CHST11: variants seen among roughly 807,000 people sequenced by gnomAD.
CHST11 encodes C4S-1.
In CHST11, 9 loss-of-function variants were observed where a neutral mutation model predicts 30.4. The ratio of observed to expected loss-of-function variants is 0.30; its 90% CI spans 0.18 to 0.52. The LOEUF is 0.52. Among genes scored for constraint, CHST11 ranks in the 20% least tolerant of loss-of-function variants. CHST11 has a pLI of 0.97. For missense variants in CHST11, 348 were observed against 460.6 expected (o/e 0.76, Z 2.24); for synonymous variants, 152 against 187.8 (o/e 0.81, Z 1.56).
chr12:104,526,965 G>A (rs2038132630), intron 1 of CHST11, among the ~76,000 whole-genome samples: 1 of 152,174 alleles, frequency 6.6e-6, no homozygotes, highest in South Asian at 2.1e-4. Flanking sequence ...CGGCCTGACT[G>A]CCTCTAGCCT....
chr12:104,639,920 A>G (rs1333014379), intron 2 of CHST11, among the ~76,000 whole-genome samples: 1 of 152,162 alleles, frequency 6.6e-6, no homozygotes, highest in African/African-American at 2.4e-5. Flanking sequence ...TGGGTGAAAG[A>G]TACAAACAGA....
intron 1 of CHST11, among the ~76,000 whole-genome samples, chr12:104,466,959 AG>A (rs2037465778): frequency 6.6e-6 from 1 of 152,182 alleles, no homozygotes; most frequent in Non-Finnish European, 1.5e-5. Flanking sequence ...AGTACTCAAG[AG>A]GGAGGAATGC....
intron 2 of CHST11, among the ~76,000 whole-genome samples, chr12:104,692,755 T>C (rs1255493944): frequency 6.6e-6 from 1 of 152,108 alleles, no homozygotes; most frequent in East Asian, 1.9e-4. Flanking sequence ...CAAACCCTAT[T>C]GTGAATTGCA....
intron 2 of CHST11, among the ~76,000 whole-genome samples, chr12:104,608,797 T>C (rs1448778902): frequency 6.6e-6 from 1 of 152,204 alleles, no homozygotes; most frequent in Non-Finnish European, 1.5e-5. Flanking sequence ...CAGAGATCAT[T>C]GTCCCTCATC....
rs114578956 is a variant in CHST11 at position 104,486,180 on chromosome 12, A to C, written c.118+28651A>C. Among the ~76,000 whole-genome samples, 928 of 152,044 alleles carry C rather than the reference A, an allele frequency of 6.1e-3. 10 individuals are homozygous for C. Among genetic ancestry groups the C allele is most frequent in the African/African-American group, 0.021 (886 of 41,450 alleles). ...GCTAGTCATTCTTGCTTGACCTTTAAATTTTTCTCTTTAGGGAAAATATGA... is the reference window on the plus strand; with the variant it reads ...GCTAGTCATTCTTGCTTGACCTTTACATTTTTCTCTTTAGGGAAAATATGA... On this transcript the variant is annotated intron_variant, in intron 1 of 2. Transcript: ENST00000303694.
At chr12:104,639,687 T>C (rs964138638) in intron 2 of CHST11, among the ~76,000 whole-genome samples, 11 of 152,164 alleles carry the variant, frequency 7.2e-5, no homozygotes, top group African/African-American at 2.7e-4. Flanking sequence ...CTTCACGGAA[T>C]AAGAGTTCAG....
chr12:104,523,179 A>G (rs144623856), intron 1 of CHST11, among the ~76,000 whole-genome samples: 2 of 152,354 alleles, frequency 1.3e-5, no homozygotes, highest in African/African-American at 4.8e-5. Context: ...AGATGGCTTT[A>G]AGATGGAGTG....
At chr12:104,604,044 G>A (rs2038980862) in intron 2 of CHST11, among the ~76,000 whole-genome samples, 1 of 152,196 alleles carries the variant, frequency 6.6e-6, no homozygotes, top group South Asian at 2.1e-4. Context: ...TGGAGAGGGT[G>A]TGTGCTTAGC....
chr12:104,720,816 T>A (rs1197031903), intron 2 of CHST11, among the ~76,000 whole-genome samples: 1 of 152,188 alleles, frequency 6.6e-6, no homozygotes, highest in Non-Finnish European at 1.5e-5. Context: ...AAATGTCGTC[T>A]ACCGTGGACC....
At chr12:104,558,648 C>T (rs993909222) in intron 1 of CHST11, among the ~76,000 whole-genome samples, 2 of 150,390 alleles carry the variant, frequency 1.3e-5, no homozygotes, top group Non-Finnish European at 3.0e-5. Context: ...AAGCAATTCT[C>T]CTGCCTTAGC....
intron 2 of CHST11, among the ~76,000 whole-genome samples, chr12:104,648,639 A>G (rs2696001): frequency 0.17 from 25,649 of 151,950 alleles, 2,303 homozygotes; most frequent in African/African-American, 0.2. Flanking sequence ...GAGAAACCCC[A>G]TCTCTACTAA....
chr12:104,645,169 G>C (rs1031195619), intron 2 of CHST11, among the ~76,000 whole-genome samples: 3 of 151,754 alleles, frequency 2.0e-5, no homozygotes, highest in Non-Finnish European at 4.4e-5. Flanking sequence ...GGATGGTCTC[G>C]ATCTCCTGAC....
At chr12:104,565,019 T>G (rs1358719109) in intron 1 of CHST11, among the ~76,000 whole-genome samples, 2 of 152,148 alleles carry the variant, frequency 1.3e-5, no homozygotes, top group East Asian at 3.9e-4. Context: ...CATGTGGGGA[T>G]TATGGGAGCT....
At chr12:104,487,539 G>A (rs1386881579) in intron 1 of CHST11, among the ~76,000 whole-genome samples, 2 of 152,242 alleles carry the variant, frequency 1.3e-5, no homozygotes, top group Non-Finnish European at 2.9e-5. Context: ...TAGTATTACA[G>A]GCATGAGCCA....
At chr12:104,505,161 G>A (rs765586686) in intron 1 of CHST11, among the ~76,000 whole-genome samples, 8 of 152,100 alleles carry the variant, frequency 5.3e-5, no homozygotes, top group South Asian at 2.1e-4. Context: ...GCAGAACAGC[G>A]CTGTTATAGA....
At chr12:104,752,454 C>T (rs545194303) in intron 2 of CHST11, among the ~76,000 whole-genome samples, 166 of 152,270 alleles carry the variant, frequency 1.1e-3, no homozygotes, top group Middle Eastern at 3.4e-3. Context: ...CACAGTACAG[C>T]TCTATGAAAG....
intron 2 of CHST11, among the ~76,000 whole-genome samples, chr12:104,748,712 G>C (rs1260532490): frequency 2.0e-5 from 3 of 152,128 alleles, no homozygotes; most frequent in African/African-American, 7.2e-5. Flanking sequence ...CCAGCCTCCA[G>C]AACTGTGAAA....
At chr12:104,590,303 A>G (rs7305710) in intron 1 of CHST11, among the ~76,000 whole-genome samples, 2,544 of 152,326 alleles carry the variant, frequency 0.017, 76 homozygotes, top group African/African-American at 0.057. Context: ...CCTTTGTAGG[A>G]GAATCTGATT....
chr12:104,468,674 C>CT (rs1488206012), intron 1 of CHST11, among the ~76,000 whole-genome samples: 22 of 152,344 alleles, frequency 1.4e-4, no homozygotes, highest in Admixed American at 1.2e-3. Flanking sequence ...GCTCAAAACT[C>CT]TATGTGTAAA....
Sources: gnomAD v4.1 joint callset for allele counts (sites outside exome capture counted in the v4.1 genomes callset) on GRCh38, gnomAD v4.1.1 for gene constraint, MANE v1.5 for transcripts, NCBI Gene and HGNC (gene_info 2026-07-23, HGNC 2026-07-21) for gene names.